GALNT5: variants seen among roughly 807,000 people sequenced by gnomAD.
GALNT5 encodes the protein polypeptide N-acetylgalactosaminyltransferase 5, also known as UDP-GalNAc:polypeptide N-acetylgalactosaminyltransferase 5.
A neutral mutation model predicts 85.4 loss-of-function variants in GALNT5; 72 were observed. That is an observed-to-expected ratio of 0.84 (90% CI 0.70 to 1.03). The LOEUF (loss-of-function observed/expected upper bound fraction) is 1.03, where lower values mean the gene tolerates loss of function less well. GALNT5 is among the 50% of genes least tolerant of loss of function. The pLI is 0.00. For missense variants in GALNT5, 1,137 were observed against 1,135.5 expected (o/e 1.00, Z -0.02); for synonymous variants, 404 against 397.0 (o/e 1.02, Z -0.21).
At chr2:157,270,591 C>T (rs1374650134) in intron 1 of GALNT5, among the ~76,000 whole-genome samples, 1 of 152,158 alleles carries the variant, frequency 6.6e-6, no homozygotes, top group Non-Finnish European at 1.5e-5. Flanking sequence ...ATTTCTTCCA[C>T]TATTTAAGCT....
rs1218889920 is a variant in GALNT5 at position 157,312,050 on chromosome 2, G to T, written c.*702G>T. 1 of 152,046 alleles carries T rather than the reference G, an allele frequency of 6.6e-6. No homozygotes were observed. The allele number at this position is 152,046 out of a possible 1,614,324, so 9.4% of individuals were successfully genotyped here. A position where few individuals can be genotyped will look rare whatever the true frequency, so the allele number is the denominator to read the frequency against. ...TATGAACACTATTTCAGTTCATTTTGTGCTTTTAAAACTACAGTTTTAAAG... is the reference window on the plus strand; with the variant it reads ...TATGAACACTATTTCAGTTCATTTTTTGCTTTTAAAACTACAGTTTTAAAG... On this transcript the variant is annotated 3_prime_UTR_variant, in exon 10 of 10. Coordinates refer to ENST00000259056, the MANE Select transcript of GALNT5 (RefSeq NM_014568.3).
At chr2:157,290,933 T>C (rs1683084926) in intron 3 of GALNT5, among the ~76,000 whole-genome samples, 1 of 152,172 alleles carries the variant, frequency 6.6e-6, no homozygotes, top group South Asian at 2.1e-4. Flanking sequence ...CAGGGCATGT[T>C]AGTTCTTCAT....
In GALNT5 at chr2:157,311,698, A is replaced by C; in HGVS notation, c.*350A>C. 6.1e-6 allele frequency: 1 copy of C among 163,336 alleles called. No homozygotes were observed. Among genetic ancestry groups the C allele is most frequent in the Non-Finnish European group, 1.3e-5 (1 of 75,868 alleles). The allele number at this position is 163,336 out of a possible 1,614,324, so 10.1% of individuals were successfully genotyped here. On this transcript the variant is annotated 3_prime_UTR_variant, in exon 10 of 10. Coordinates refer to ENST00000259056, the MANE Select transcript of GALNT5 (RefSeq NM_014568.3). ...ATATTCCCAATGACTATGTTTGGTA[A>C]TAATCAGCTCTTCTGGCCCACAAGT...
chr2:157,279,503 C>T (rs1453973384), intron 1 of GALNT5, among the ~76,000 whole-genome samples: 1 of 152,222 alleles, frequency 6.6e-6, no homozygotes, highest in Non-Finnish European at 1.5e-5. Context: ...GCTTTGTTTA[C>T]CTACTCAAGC....
At chr2:157,275,071 CATTT>C (rs1261294651) in intron 1 of GALNT5, among the ~76,000 whole-genome samples, 1 of 152,160 alleles carries the variant, frequency 6.6e-6, no homozygotes, top group Non-Finnish European at 1.5e-5. Context: ...TTCCCAGCAC[CATTT>C]ATTAAATAGG....
rs758443100 is a variant in GALNT5, at chr2:157,284,489, T to A, written c.1621+41T>A. 3.8e-6 allele frequency: 6 copies of A among 1,560,690 alleles called. No individual in the cohort carries two copies. In the South Asian group the frequency reaches 6.8e-5, roughly 18 times the overall value. On this transcript the variant is annotated intron_variant, in intron 2 of 9. Coordinates refer to ENST00000259056, the MANE Select transcript of GALNT5 (RefSeq NM_014568.3). ...AGGCTATCTCTTGAAATTTCAAAGT[T>A]TGGCAGAAGCAAAGTTTAGTAGCAG...
chr2:157,288,368 A>G (rs145468054), intron 3 of GALNT5, among the ~76,000 whole-genome samples: 54 of 152,336 alleles, frequency 3.5e-4, no homozygotes, highest in African/African-American at 1.3e-3. Context: ...TTCCATGCTT[A>G]ATTTCCTTTG....
chr2:157,314,452 C>G lies in GALNT5; in HGVS notation c.*3104C>G, dbSNP rs1191433611. On this transcript the variant is annotated 3_prime_UTR_variant, in exon 10 of 10. Transcript: ENST00000259056. ...TCACCAGCATCAAATTTGCTTAATA[C>G]TGCTTGTTGACATCCCCTCAGCTGT... is the stretch of plus-strand genomic sequence containing the variant. Among the ~76,000 whole-genome samples, 1 of 152,166 alleles carries G rather than the reference C, an allele frequency of 6.6e-6. No individual in the cohort carries two copies. The highest frequency in any genetic ancestry group is 1.5e-5 in the Non-Finnish European group (1 of 68,032).
Position 157,257,986 on chromosome 2 carries a change from TCTGCTGCTGCTG to T in GALNT5, c.-82_-71del. 2.3e-6 allele frequency: 3 copies of T among 1,319,834 alleles called. No homozygotes were observed. Among genetic ancestry groups the T allele is most frequent in the South Asian group, 1.2e-5 (1 of 82,190 alleles). The allele number at this position is 1,319,834 out of a possible 1,614,324, so 81.8% of individuals were successfully genotyped here. A position where few individuals can be genotyped will look rare whatever the true frequency, so the allele number is the denominator to read the frequency against. Reference sequence around the variant, plus strand: ...GGGGAGGGGGTCACTTTCTGGCAACTCTGCTGCTGCTGCTGCTGCTGCTGCTACTTCAGCTTC... The same window carrying T: ...GGGGAGGGGGTCACTTTCTGGCAACTCTGCTGCTGCTGCTACTTCAGCTTC... On this transcript the variant is annotated 5_prime_UTR_variant, in exon 1 of 10. Transcript: ENST00000259056.
Position 157,259,231 on chromosome 2 carries a change from TG to T in GALNT5, c.1150del (p.Ala384LeufsTer2). ...HRVPLSQTNHALTGGLEPAKI... is the reference protein window; with the variant it reads ...HRVPLSQTNHXLTGGLEPAKI... ...GAGTGCCACTGTCCCAAACTAACCA[TG>T]CTTTAACTGGAGGGCTAGAGCCAGC... On this transcript the variant is annotated frameshift_variant, in exon 1 of 10. Coordinates refer to ENST00000259056, the MANE Select transcript of GALNT5 (RefSeq NM_014568.3). LOFTEE classifies it high-confidence loss of function. 1 of 1,607,132 alleles carries T rather than the reference TG, an allele frequency of 6.2e-7. No individual in the cohort carries two copies. The highest frequency in any genetic ancestry group is 8.5e-7 in the Non-Finnish European group (1 of 1,177,114).
chr2:157,307,187 T>C (rs1402175940), intron 8 of GALNT5, among the ~76,000 whole-genome samples: 1 of 152,162 alleles, frequency 6.6e-6, no homozygotes. Flanking sequence ...AGCTCCCTTT[T>C]AGTCTTTGTT....
chr2:157,302,747 G>A (rs189619349), intron 7 of GALNT5: 36 of 152,152 alleles, frequency 2.4e-4, no homozygotes, highest in African/African-American at 8.0e-4. Flanking sequence ...GAAATTTCTG[G>A]AGAGCTCTCC....
At chr2:157,300,067 TAA>T (rs1683305554) in intron 6 of GALNT5, among the ~76,000 whole-genome samples, 2 of 152,342 alleles carry the variant, frequency 1.3e-5, no homozygotes, top group African/African-American at 4.8e-5. Flanking sequence ...AAAATACCTC[TAA>T]AGCAGGTCAC....
chr2:157,282,102 A>T (rs1266294696), intron 1 of GALNT5, among the ~76,000 whole-genome samples: 1 of 152,208 alleles, frequency 6.6e-6, no homozygotes, highest in East Asian at 1.9e-4. Flanking sequence ...ATTAGTTTAG[A>T]CAGTCTGATA....
intron 9 of GALNT5, among the ~76,000 whole-genome samples, chr2:157,310,349 A>G (rs1015685872): frequency 5.3e-5 from 8 of 152,148 alleles, no homozygotes; most frequent in Non-Finnish European, 8.8e-5. Context: ...TAGGTCTCCC[A>G]TTATATGTAA....
chr2:157,289,263 G>A (rs1480584716), intron 3 of GALNT5, among the ~76,000 whole-genome samples: 1 of 152,176 alleles, frequency 6.6e-6, no homozygotes, highest in East Asian at 1.9e-4. Context: ...GCTTGCTCAA[G>A]TGCTTGCAGT....
intron 3 of GALNT5, among the ~76,000 whole-genome samples, chr2:157,291,311 T>C (rs1356952529): frequency 1.3e-5 from 2 of 152,152 alleles, no homozygotes; most frequent in Non-Finnish European, 2.9e-5. Flanking sequence ...CTTGGCTAAC[T>C]TTAAGTAACT....
At position 157,257,914 on chromosome 2, in the gene GALNT5, G is replaced by A; in HGVS notation, c.-169G>A. Reference sequence around the variant, plus strand: ...CCACGCAGGCAGAGACTGACAAGCGGTAGGAACTGAGCTTTCCCCTTGGAC... The same window carrying A: ...CCACGCAGGCAGAGACTGACAAGCGATAGGAACTGAGCTTTCCCCTTGGAC... On this transcript the variant is annotated 5_prime_UTR_variant, in exon 1 of 10. Transcript: ENST00000259056. 2 of 669,220 alleles carry A rather than the reference G, an allele frequency of 3.0e-6. No homozygotes were observed. Among genetic ancestry groups the A allele is most frequent in the Non-Finnish European group, 5.2e-6 (2 of 387,210 alleles). The allele number at this position is 669,220 out of a possible 1,614,324, so 41.5% of individuals were successfully genotyped here.
Position 157,259,662 on chromosome 2 carries a change from T to C in GALNT5, c.1454+126T>C, listed in dbSNP as rs574191734. ...AGAGAATTAAAGAAACATTAATCATTGGATATCATTCAAATATTTCACCAG... is the reference window on the plus strand; with the variant it reads ...AGAGAATTAAAGAAACATTAATCATCGGATATCATTCAAATATTTCACCAG... On this transcript the variant is annotated intron_variant, in intron 1 of 9. Transcript: ENST00000259056. 1.1e-5 allele frequency: 7 copies of C among 623,496 alleles called. No individual in the cohort carries two copies. In the East Asian group the frequency reaches 2.1e-4, roughly 19 times the overall value. The allele number at this position is 623,496 out of a possible 1,614,324, so 38.6% of individuals were successfully genotyped here.
Sources: gnomAD v4.1 joint callset for allele counts (sites outside exome capture counted in the v4.1 genomes callset) on GRCh38, gnomAD v4.1.1 for gene constraint, MANE v1.5 for transcripts, NCBI Gene and HGNC (gene_info 2026-07-23, HGNC 2026-07-21) for gene names.